TDRD3: variants seen among roughly 807,000 people sequenced by gnomAD.
TDRD3 encodes tudor domain-containing protein 3.
Under a neutral mutation model 86.7 loss-of-function variants are expected in TDRD3, and 45 were observed. The ratio of observed to expected loss-of-function variants is 0.52; its 90% CI spans 0.41 to 0.67. The LOEUF is 0.67. Among genes scored for constraint, TDRD3 ranks in the 30% least tolerant of loss-of-function variants. The pLI is 0.00. For missense variants in TDRD3, 814 were observed against 889.0 expected (o/e 0.92, Z 1.07); for synonymous variants, 298 against 301.7 (o/e 0.99, Z 0.13).
intron 1 of TDRD3, among the ~76,000 whole-genome samples, chr13:60,398,774 T>G (rs987702849): frequency 6.6e-6 from 1 of 152,236 alleles, no homozygotes; most frequent in Non-Finnish European, 1.5e-5. Context: ...TGTTACAGTT[T>G]TTTCGCAGAA....
Position 60,509,906 on chromosome 13 carries a change from T to C in TDRD3, c.1002T>C (p.Gly334=), listed in dbSNP as rs1399046025. 2 of 1,613,542 alleles carry C rather than the reference T, an allele frequency of 1.2e-6. No individual in the cohort carries two copies. The highest frequency in any genetic ancestry group is 8.5e-7 in the Non-Finnish European group (1 of 1,179,570). The change falls in exon 9 of 14, where the codon GGT becomes GGC. Residue 334 remains glycine, a synonymous_variant. Coordinates refer to ENST00000377881, the MANE Select transcript of TDRD3 (RefSeq NM_001146070.2). ...LTSNKQKPVM[G]PPLRGRGKGR... ...GCAATAAACAGAAACCTGTTATGGG[T>C]CCTCCTCTGAGAGGTATAATTTATT... is the stretch of plus-strand genomic sequence containing the variant.
chr13:60,457,992 A>G (rs1283587391), intron 3 of TDRD3, among the ~76,000 whole-genome samples: 1 of 152,020 alleles, frequency 6.6e-6, no homozygotes, highest in Non-Finnish European at 1.5e-5. Context: ...CTTGTTCCCA[A>G]ACGAGGTCAT....
chr13:60,434,073 C>T (rs941778853), intron 1 of TDRD3: 1 of 152,088 alleles, frequency 6.6e-6, no homozygotes, highest in Non-Finnish European at 1.5e-5. Context: ...CTTCTGAACA[C>T]GACGTGAAGA....
At chr13:60,474,089 C>T (rs1248218244) in intron 5 of TDRD3, among the ~76,000 whole-genome samples, 1 of 152,192 alleles carries the variant, frequency 6.6e-6, no homozygotes, top group Non-Finnish European at 1.5e-5. Context: ...CCACCCTGTA[C>T]ACCTGGCTCC....
At chr13:60,433,550 T>C (rs1404749917) in intron 1 of TDRD3, among the ~76,000 whole-genome samples, 1 of 152,196 alleles carries the variant, frequency 6.6e-6, no homozygotes, top group Non-Finnish European at 1.5e-5. Flanking sequence ...TGTTATACTA[T>C]CTGAGGTACA....
At chr13:60,561,061 T>C (rs920251897) in intron 12 of TDRD3, among the ~76,000 whole-genome samples, 2 of 152,190 alleles carry the variant, frequency 1.3e-5, no homozygotes, top group African/African-American at 4.8e-5. Flanking sequence ...CAATATATTT[T>C]CTTCTAAAGG....
At chr13:60,448,332 AGTC>A (rs1482648155) in intron 3 of TDRD3, among the ~76,000 whole-genome samples, 2 of 152,208 alleles carry the variant, frequency 1.3e-5, no homozygotes, top group Admixed American at 1.3e-4. Flanking sequence ...TTGAAACTGA[AGTC>A]TTAATAATTG....
intron 12 of TDRD3, among the ~76,000 whole-genome samples, chr13:60,564,221 A>G (rs1958399291): frequency 1.3e-5 from 2 of 152,120 alleles, no homozygotes; most frequent in Non-Finnish European, 2.9e-5. Flanking sequence ...ATCATGGCCC[A>G]TGACACAGCC....
At chr13:60,571,377 A>G (rs1419763951) in intron 13 of TDRD3, among the ~76,000 whole-genome samples, 4 of 152,200 alleles carry the variant, frequency 2.6e-5, no homozygotes, top group African/African-American at 7.2e-5. Context: ...CCTGGTTTGT[A>G]TTAACTTAAA....
intron 3 of TDRD3, among the ~76,000 whole-genome samples, chr13:60,447,449 A>G (rs1442997400): frequency 6.6e-6 from 1 of 152,194 alleles, no homozygotes; most frequent in Non-Finnish European, 1.5e-5. Flanking sequence ...TAAATGAGAT[A>G]ATACTAAATC....
At chr13:60,525,604 ACAT>A (rs925890349) in intron 10 of TDRD3, among the ~76,000 whole-genome samples, 1 of 152,228 alleles carries the variant, frequency 6.6e-6, no homozygotes, top group Non-Finnish European at 1.5e-5. Flanking sequence ...AGTCTAATGT[ACAT>A]CATCATCAAT....
intron 1 of TDRD3, among the ~76,000 whole-genome samples, chr13:60,411,946 C>T (rs1954379037): frequency 6.6e-6 from 1 of 152,144 alleles, no homozygotes; most frequent in South Asian, 2.1e-4. Flanking sequence ...TTGGGTTTCC[C>T]TAGCTGGAAT....
chr13:60,532,881 C>T (rs1236571699), intron 11 of TDRD3, among the ~76,000 whole-genome samples: 2 of 152,122 alleles, frequency 1.3e-5, no homozygotes, highest in African/African-American at 4.8e-5. Flanking sequence ...TAGTTAAAGT[C>T]TTCACTGACA....
At chr13:60,505,241 G>A (rs1321804981) in intron 8 of TDRD3, among the ~76,000 whole-genome samples, 1 of 152,200 alleles carries the variant, frequency 6.6e-6, no homozygotes, top group Non-Finnish European at 1.5e-5. Flanking sequence ...TGGGATGCTT[G>A]AGCTTGGTTG....
chr13:60,400,160 T>C (rs1463462746), intron 1 of TDRD3, among the ~76,000 whole-genome samples: 2 of 152,232 alleles, frequency 1.3e-5, no homozygotes, highest in African/African-American at 4.8e-5. Context: ...AGCTTAATTA[T>C]ATGCATGGAA....
chr13:60,477,123 G>A (rs756651634), intron 5 of TDRD3, among the ~76,000 whole-genome samples: 32 of 151,756 alleles, frequency 2.1e-4, no homozygotes, highest in Non-Finnish European at 4.3e-4. Context: ...TCCTTGTCTT[G>A]TTTCAATTAT....
intron 4 of TDRD3, chr13:60,461,113 A>G (rs1040827636): frequency 6.6e-6 from 1 of 152,162 alleles, no homozygotes; most frequent in Non-Finnish European, 1.5e-5. Context: ...TTTGTCAGAT[A>G]CTTTAGGTCA....
intron 10 of TDRD3, among the ~76,000 whole-genome samples, chr13:60,512,474 A>G (rs1481216655): frequency 6.6e-6 from 1 of 152,188 alleles, no homozygotes; most frequent in East Asian, 1.9e-4. Flanking sequence ...GCATTAACTT[A>G]AAAGTCCACA....
At chr13:60,528,046 A>G (rs963131471) in intron 10 of TDRD3, among the ~76,000 whole-genome samples, 5 of 152,134 alleles carry the variant, frequency 3.3e-5, no homozygotes, top group Admixed American at 1.3e-4. Context: ...TTGCAGTTCT[A>G]TTTCATTAAT....
Sources: gnomAD v4.1 joint callset for allele counts (sites outside exome capture counted in the v4.1 genomes callset) on GRCh38, gnomAD v4.1.1 for gene constraint, MANE v1.5 for transcripts, NCBI Gene and HGNC (gene_info 2026-07-23, HGNC 2026-07-21) for gene names.